WAPL: variants seen among roughly 807,000 people sequenced by gnomAD.
WAPL encodes the protein WAPL cohesin release factor.
In WAPL, 5 loss-of-function variants were observed where a neutral mutation model predicts 121.0. That is an observed-to-expected ratio of 0.04 (90% confidence interval 0.02 to 0.09). The LOEUF is 0.09. Among genes scored for constraint, WAPL ranks in the 10% least tolerant of loss-of-function variants. The pLI, the probability that WAPL is intolerant of heterozygous loss-of-function variation, is 1.00. For synonymous variants in WAPL, 480 were observed against 481.5 expected (o/e 1.00, Z 0.04); for missense variants, 999 against 1,410.8 (o/e 0.71, Z 4.68).
chr10:86,519,540 GTAA>G (rs1238385751), intron 1 of WAPL, among the ~76,000 whole-genome samples: 1 of 152,120 alleles, frequency 6.6e-6, no homozygotes, highest in African/African-American at 2.4e-5. Context: ...ATTTGACAAG[GTAA>G]TAATTTAGTC....
intron 17 of WAPL, among the ~76,000 whole-genome samples, chr10:86,439,384 C>T (rs1849406745): frequency 6.6e-6 from 1 of 152,154 alleles, no homozygotes; most frequent in Non-Finnish European, 1.5e-5. Context: ...TGGAGAACTG[C>T]TCAGTAGAAA....
chr10:86,520,678 G>C (rs1012878241), intron 1 of WAPL, among the ~76,000 whole-genome samples: 10 of 142,086 alleles, frequency 7.0e-5, no homozygotes, highest in African/African-American at 1.6e-4. Context: ...AAAAAGGAAA[G>C]AATGATTGAC....
At chr10:86,510,825 T>G (rs1252739863) in intron 2 of WAPL, among the ~76,000 whole-genome samples, 1 of 152,186 alleles carries the variant, frequency 6.6e-6, no homozygotes, top group Admixed American at 6.6e-5. Flanking sequence ...AAAAATAGTT[T>G]GGTCATCATT....
At position 86,500,370 on chromosome 10, in the gene WAPL, G is replaced by A. The variant is rs1357940373; in HGVS notation, c.873C>T (p.Thr291=). 1 of 1,614,140 alleles carries A rather than the reference G, an allele frequency of 6.2e-7. No individual in the cohort carries two copies. The highest frequency in any genetic ancestry group is 1.1e-5 in the South Asian group (1 of 91,080). Residue 291 remains threonine (T), a synonymous_variant, in exon 3 of 19, where the codon ACC becomes ACT. Transcript: ENST00000298767. ...EDIVQSVLRP[T]NCRTYCRANK... ...TGGCCCTACAGTACGTCCTACAGTT[G>A]GTTGGCCTAAGAACACTTTGTACAA...
rs532821953 is a variant in WAPL at position 86,480,084 on chromosome 10, T to C, written c.1645-6111A>G. On this transcript the variant is annotated intron_variant, in intron 4 of 18. Coordinates refer to ENST00000298767, the MANE Select transcript of WAPL (RefSeq NM_015045.5). The stretch of plus-strand genomic sequence containing the variant: ...CCTAAATTAAAACCAACAGCATCTG[T>C]ACTATCAAGAATTAGAAATTGTAAT... Among the ~76,000 whole-genome samples the C allele has an allele frequency of 5.3e-5, 8 of 152,352 alleles. No individual in the cohort carries two copies. In the East Asian group the frequency reaches 1.5e-3, roughly 29 times the overall value.
chr10:86,503,114 T>C (rs1454712063), intron 2 of WAPL, among the ~76,000 whole-genome samples: 2 of 151,848 alleles, frequency 1.3e-5, no homozygotes, highest in East Asian at 1.9e-4. Flanking sequence ...GCCAAGATCA[T>C]GTCACTGTAC....
chr10:86,455,798 A>ATAAG (rs1376061431), intron 12 of WAPL, among the ~76,000 whole-genome samples: 1 of 152,152 alleles, frequency 6.6e-6, no homozygotes. Context: ...TAATTGTAAA[A>ATAAG]TACTTAACAG....
At chr10:86,449,448 T>G (rs920622692) in intron 15 of WAPL, among the ~76,000 whole-genome samples, 2 of 152,116 alleles carry the variant, frequency 1.3e-5, no homozygotes. Context: ...CCATAAACCA[T>G]AGCAGATAAA....
At chr10:86,450,377 G>A (rs944352542) in intron 15 of WAPL, among the ~76,000 whole-genome samples, 2 of 152,090 alleles carry the variant, frequency 1.3e-5, no homozygotes, top group Non-Finnish European at 1.5e-5. Flanking sequence ...CTGGTACTAT[G>A]AGCATGCACC....
At chr10:86,483,476 A>G (rs1841842607) in intron 4 of WAPL, among the ~76,000 whole-genome samples, 3 of 152,180 alleles carry the variant, frequency 2.0e-5, no homozygotes. Flanking sequence ...AACACTTGAC[A>G]ATGAATGACT....
At chr10:86,468,789 C>A (rs973671400) in intron 8 of WAPL, among the ~76,000 whole-genome samples, 3 of 151,842 alleles carry the variant, frequency 2.0e-5, no homozygotes, top group African/African-American at 7.3e-5. Context: ...ATGGTGAAAC[C>A]CCATCTCTAT....
intron 9 of WAPL, among the ~76,000 whole-genome samples, chr10:86,465,457 C>T (rs1205761301): frequency 3.9e-5 from 6 of 152,164 alleles, no homozygotes; most frequent in African/African-American, 1.2e-4. Context: ...CCACCCACCT[C>T]GGATTCCCAA....
At chr10:86,487,312 A>C (rs905936693) in intron 4 of WAPL, among the ~76,000 whole-genome samples, 9 of 152,278 alleles carry the variant, frequency 5.9e-5, no homozygotes, top group African/African-American at 2.2e-4. Context: ...ACTGGATGAC[A>C]TTTCATGAAC....
intron 2 of WAPL, among the ~76,000 whole-genome samples, chr10:86,502,319 T>C (rs1842262583): frequency 6.6e-6 from 1 of 152,222 alleles, no homozygotes; most frequent in African/African-American, 2.4e-5. Flanking sequence ...AGAGATGGAA[T>C]GACTAAGGGA....
chr10:86,447,724 C>G (rs1339593604), intron 15 of WAPL, among the ~76,000 whole-genome samples: 1 of 152,110 alleles, frequency 6.6e-6, no homozygotes, highest in Non-Finnish European at 1.5e-5. Context: ...AATTCCTAAA[C>G]CAGGAAATTA....
Position 86,471,729 on chromosome 10 carries a change from G to A in WAPL, c.2030+479C>T, listed in dbSNP as rs566427519. Among the ~76,000 whole-genome samples the A allele has an allele frequency of 5.9e-5, 9 of 152,046 alleles. No homozygotes were observed. The South Asian group carries it at 6.2e-4, about 11-fold the overall frequency. ...GGCTGGAGTGCAGCAGCATGATCAC[G>A]GGCTCAAGCCATCCTGCCACCTCAG... On this transcript the variant is annotated intron_variant, in intron 7 of 18. Coordinates refer to ENST00000298767, the MANE Select transcript of WAPL (RefSeq NM_015045.5).
intron 15 of WAPL, among the ~76,000 whole-genome samples, chr10:86,449,181 C>T (rs1227563353): frequency 6.6e-6 from 1 of 152,170 alleles, no homozygotes; most frequent in Non-Finnish European, 1.5e-5. Context: ...ATTTATACAA[C>T]ATTATCGAAA....
At chr10:86,460,118 A>G (rs547467304) in intron 11 of WAPL, among the ~76,000 whole-genome samples, 89 of 152,346 alleles carry the variant, frequency 5.8e-4, no homozygotes, top group African/African-American at 2.0e-3. Flanking sequence ...GGCTCAAAAA[A>G]TAATAATAAA....
chr10:86,469,439 A>T (rs895506572), intron 8 of WAPL, among the ~76,000 whole-genome samples: 4 of 151,640 alleles, frequency 2.6e-5, no homozygotes, highest in South Asian at 2.1e-4. Flanking sequence ...TTTTTAGTAG[A>T]GATGGGGTTT....
Sources: allele counts gnomAD v4.1 joint callset (sites outside exome capture counted in the v4.1 genomes callset), GRCh38; gene constraint gnomAD v4.1.1; transcripts MANE v1.5; gene names NCBI Gene and HGNC (gene_info 2026-07-23, HGNC 2026-07-21).